CDC14B: variants seen among roughly 807,000 people sequenced by gnomAD.
CDC14B encodes the protein cell division cycle 14B.
In CDC14B, 22 loss-of-function variants were observed where a neutral mutation model predicts 64.2. That is an observed-to-expected ratio of 0.34 (90% confidence interval 0.24 to 0.49). The LOEUF (loss-of-function observed/expected upper bound fraction) is 0.49, where lower values mean the gene tolerates loss of function less well. Ranked by LOEUF, CDC14B falls within the 20% of genes least tolerant of loss-of-function variation. CDC14B has a pLI of 0.99. For missense variants in CDC14B, 498 were observed against 629.9 expected, an observed-to-expected ratio of 0.79 and a Z score of 2.24; for synonymous variants, 191 against 215.8, an observed-to-expected ratio of 0.89 and a Z score of 1.01.
chr9:96,547,743 A>G (rs1841165692), intron 5 of CDC14B, among the ~76,000 whole-genome samples: 1 of 152,016 alleles, frequency 6.6e-6, no homozygotes. Context: ...ATGAGCCACC[A>G]TGCCCAGCCT....
intron 5 of CDC14B, among the ~76,000 whole-genome samples, chr9:96,546,537 C>A (rs1378028381): frequency 1.3e-5 from 2 of 151,824 alleles, no homozygotes; most frequent in African/African-American, 4.8e-5. Flanking sequence ...GCAATCTCCG[C>A]CTCTCAGGTT....
At chr9:96,587,262 G>A (rs764142283) in intron 1 of CDC14B, among the ~76,000 whole-genome samples, 1 of 152,166 alleles carries the variant, frequency 6.6e-6, no homozygotes, top group Non-Finnish European at 1.5e-5. Context: ...AGAACTTTCT[G>A]CAAGAAAGGG....
chr9:96,587,580 A>G (rs963491181), intron 1 of CDC14B, among the ~76,000 whole-genome samples: 21 of 152,336 alleles, frequency 1.4e-4, no homozygotes, highest in Admixed American at 1.1e-3. Context: ...CTGTTTCATA[A>G]ACAAGTGAAT....
At chr9:96,601,772 C>T (rs556801255) in intron 1 of CDC14B, among the ~76,000 whole-genome samples, 6 of 132,306 alleles carry the variant, frequency 4.5e-5, no homozygotes, top group East Asian at 2.2e-4. Flanking sequence ...CCAGCCTGGG[C>T]GACAGAGCAA....
intron 6 of CDC14B, among the ~76,000 whole-genome samples, chr9:96,540,102 A>G (rs1259948525): frequency 6.6e-6 from 1 of 152,234 alleles, no homozygotes; most frequent in African/African-American, 2.4e-5. Context: ...CTTGACTGCA[A>G]TATATTTCAT....
chr9:96,617,258 A>G (rs968896840), intron 1 of CDC14B, among the ~76,000 whole-genome samples: 6 of 151,220 alleles, frequency 4.0e-5, no homozygotes, highest in African/African-American at 1.2e-4. Flanking sequence ...GCTTGGTTCT[A>G]TTTTTCTGAA....
At chr9:96,608,739 T>C (rs1847122806) in intron 1 of CDC14B, among the ~76,000 whole-genome samples, 1 of 152,066 alleles carries the variant, frequency 6.6e-6, no homozygotes, top group Admixed American at 6.6e-5. Flanking sequence ...GAGATCCAAA[T>C]TAGAGATATA....
At chr9:96,560,230 C>T (rs1338838822) in intron 4 of CDC14B, among the ~76,000 whole-genome samples, 5 of 152,124 alleles carry the variant, frequency 3.3e-5, no homozygotes, top group African/African-American at 1.2e-4. Context: ...CCGGAAGTGG[C>T]CCGGTCTGGC....
At chr9:96,553,484 G>A (rs755510424) in intron 4 of CDC14B, among the ~76,000 whole-genome samples, 4 of 151,006 alleles carry the variant, frequency 2.6e-5, no homozygotes, top group Admixed American at 6.6e-5. Flanking sequence ...TCAACCTCCC[G>A]AGTAGCTGGA....
intron 12 of CDC14B, chr9:96,514,360 T>C (rs1835321697): frequency 1.2e-6 from 1 of 867,648 alleles, no homozygotes; most frequent in South Asian, 5.3e-5. Flanking sequence ...TATGTGGCAA[T>C]CGTAGTTGAC....
intron 3 of CDC14B, among the ~76,000 whole-genome samples, chr9:96,563,314 A>AC (rs1843464409): frequency 6.6e-6 from 1 of 152,186 alleles, no homozygotes; most frequent in African/African-American, 2.4e-5. Flanking sequence ...GTGAAAGTTT[A>AC]TTGAGCTCTA....
intron 1 of CDC14B, among the ~76,000 whole-genome samples, chr9:96,588,305 G>C (rs1019241257): frequency 1.3e-5 from 2 of 152,126 alleles, no homozygotes; most frequent in Non-Finnish European, 2.9e-5. Flanking sequence ...GTAACATTCA[G>C]CTCTCTGCAG....
chr9:96,615,804 T>A (rs1420620835), intron 1 of CDC14B, among the ~76,000 whole-genome samples: 3 of 152,212 alleles, frequency 2.0e-5, no homozygotes, highest in Admixed American at 2.0e-4. Flanking sequence ...GCAGCATTAT[T>A]CCTAATAGCC....
At chr9:96,573,573 T>C (rs1184007023) in intron 1 of CDC14B, among the ~76,000 whole-genome samples, 1 of 152,160 alleles carries the variant, frequency 6.6e-6, no homozygotes, top group Admixed American at 6.5e-5. Context: ...AGAAATGCAA[T>C]TCGAATCAAA....
intron 1 of CDC14B, among the ~76,000 whole-genome samples, chr9:96,606,536 TG>T (rs1381202684): frequency 7.8e-6 from 1 of 128,878 alleles, no homozygotes; most frequent in African/African-American, 3.5e-5. Context: ...TTTGTGTGTG[TG>T]TGTGTGTGTG....
At position 96,569,130 on chromosome 9, in the gene CDC14B, C is replaced by T. The variant is rs528442711; in HGVS notation, c.161-3647G>A. ...AATAGGGAATAAGAGAGATTTATGC[C>T]TTTTTACAGCTTTTGCATTGTACGA... On this transcript the variant is annotated intron_variant, in intron 1 of 13. Coordinates refer to ENST00000375241, the MANE Select transcript of CDC14B (RefSeq NM_033331.4). Among the ~76,000 whole-genome samples the T allele has an allele frequency of 3.9e-5, 6 of 152,240 alleles. No individual in the cohort carries two copies. The South Asian group carries it at 1.2e-3, about 32-fold the overall frequency.
intron 9 of CDC14B, among the ~76,000 whole-genome samples, chr9:96,533,497 AAG>A (rs1270658923): frequency 2.0e-5 from 3 of 152,214 alleles, no homozygotes; most frequent in Non-Finnish European, 2.9e-5. Flanking sequence ...ATTAACTAAC[AAG>A]AGAGTTAAAT....
At chr9:96,505,455 C>G (rs950456210) in intron 13 of CDC14B, among the ~76,000 whole-genome samples, 26 of 152,256 alleles carry the variant, frequency 1.7e-4, no homozygotes, top group African/African-American at 6.0e-4. Flanking sequence ...CACGCACCAG[C>G]GGAAGGGCTG....
At chr9:96,563,558 G>A (rs1843503768) in intron 3 of CDC14B, among the ~76,000 whole-genome samples, 1 of 151,276 alleles carries the variant, frequency 6.6e-6, no homozygotes, top group Admixed American at 6.6e-5. Context: ...GCTGAGGCAG[G>A]AGAATCACTT....
Sources: allele counts gnomAD v4.1 joint callset (sites outside exome capture counted in the v4.1 genomes callset), GRCh38; gene constraint gnomAD v4.1.1; transcripts MANE v1.5; gene names NCBI Gene and HGNC (gene_info 2026-07-23, HGNC 2026-07-21).